Variants in NALF1 observed in about 807,000 individuals in gnomAD.
NALF1 encodes NALCN channel auxiliary factor 1, also known as family with sequence similarity 155 member A.
A neutral mutation model predicts 48.4 loss-of-function variants in NALF1; 3 were observed. That is an observed-to-expected ratio of 0.06 (90% CI 0.03 to 0.16). The LOEUF (loss-of-function observed/expected upper bound fraction) is 0.16, where lower values mean the gene tolerates loss of function less well. NALF1 is among the 10% of genes least tolerant of loss of function. NALF1 has a pLI of 1.00. For missense variants in NALF1, 526 were observed against 571.5 expected (o/e 0.92, Z 0.81); for synonymous variants, 262 against 245.7 (o/e 1.07, Z -0.62).
At chr13:107,201,524 T>C (rs924833712) in intron 2 of NALF1, among the ~76,000 whole-genome samples, 3 of 151,604 alleles carry the variant, frequency 2.0e-5, no homozygotes, top group African/African-American at 7.3e-5. Context: ...TTCCAGTGAG[T>C]CGAGATCGTG....
At chr13:107,613,341 C>T (rs1207965630) in intron 1 of NALF1, among the ~76,000 whole-genome samples, 8 of 152,166 alleles carry the variant, frequency 5.3e-5, no homozygotes, top group Non-Finnish European at 1.0e-4. Context: ...GGCAGGTAGG[C>T]GGCCTCCGCA....
chr13:107,800,589 A>G (rs1878577772), intron 1 of NALF1, among the ~76,000 whole-genome samples: 1 of 146,802 alleles, frequency 6.8e-6, no homozygotes, highest in Non-Finnish European at 1.5e-5. Context: ...AATATACAAT[A>G]TATAATAAAT....
intron 1 of NALF1, among the ~76,000 whole-genome samples, chr13:107,844,330 GA>G (rs1209878149): frequency 6.6e-6 from 1 of 152,012 alleles, no homozygotes; most frequent in Non-Finnish European, 1.5e-5. Context: ...AATTTAAACT[GA>G]AAAGCTGTCA....
chr13:107,447,420 C>T (rs1475506081), intron 1 of NALF1, among the ~76,000 whole-genome samples: 2 of 152,114 alleles, frequency 1.3e-5, no homozygotes, highest in Non-Finnish European at 2.9e-5. Context: ...CATTCTGAGT[C>T]CAGTCACCAT....
intron 1 of NALF1, among the ~76,000 whole-genome samples, chr13:107,424,223 C>T (rs1884240655): frequency 6.6e-6 from 1 of 152,098 alleles, no homozygotes; most frequent in African/African-American, 2.4e-5. Context: ...CTGCAATCTC[C>T]ACCTCCCAGG....
chr13:107,851,956 G>A (rs889845865), intron 1 of NALF1, among the ~76,000 whole-genome samples: 2 of 150,928 alleles, frequency 1.3e-5, no homozygotes, highest in African/African-American at 2.4e-5. Flanking sequence ...CTCAGTGCAT[G>A]CCACCATGCC....
chr13:107,482,728 T>C (rs772822894), intron 1 of NALF1, among the ~76,000 whole-genome samples: 2 of 152,034 alleles, frequency 1.3e-5, no homozygotes, highest in Non-Finnish European at 2.9e-5. Context: ...GGATGAGAAA[T>C]GGATAGAGGT....
intron 1 of NALF1, among the ~76,000 whole-genome samples, chr13:107,655,849 A>G (rs1221959577): frequency 6.6e-6 from 1 of 152,196 alleles, no homozygotes; most frequent in Non-Finnish European, 1.5e-5. Context: ...ACCCAGAAAT[A>G]AAGCCAAATA....
intron 1 of NALF1, among the ~76,000 whole-genome samples, chr13:107,593,030 G>A (rs1008513470): frequency 1.3e-5 from 2 of 151,716 alleles, no homozygotes; most frequent in Non-Finnish European, 2.9e-5. Flanking sequence ...CTTTAGCAAA[G>A]GTCATCTTTT....
At chr13:107,840,345 C>A (rs1880009987) in intron 1 of NALF1, among the ~76,000 whole-genome samples, 1 of 152,216 alleles carries the variant, frequency 6.6e-6, no homozygotes, top group Non-Finnish European at 1.5e-5. Context: ...CAGTTTATTT[C>A]TTGCATTTTA....
rs999879814 is a variant in NALF1, at chr13:107,163,991, C to T, written c.*6506G>A. 2 of 152,146 alleles carry T rather than the reference C, an allele frequency of 1.3e-5. No individual in the cohort carries two copies. The highest frequency in any genetic ancestry group is 2.4e-5 in the African/African-American group (1 of 41,436). 9.4% of individuals were successfully genotyped at this position (152,146 alleles called of 1,614,324 possible). A position where few individuals can be genotyped will look rare whatever the true frequency, so the allele number is the denominator to read the frequency against. On this transcript the variant is annotated 3_prime_UTR_variant, in exon 3 of 3. Transcript: ENST00000375915. ...ATTTCCTATTGTTTTATCCATTTTG[C>T]AGTGAAATGGTCAGTAGAAAATGGC...
At chr13:107,334,888 A>C (rs1407138703) in intron 1 of NALF1, among the ~76,000 whole-genome samples, 1 of 152,120 alleles carries the variant, frequency 6.6e-6, no homozygotes, top group Non-Finnish European at 1.5e-5. Context: ...GTGAAATGAA[A>C]AGCAATATTC....
At chr13:107,581,952 C>G (rs1362954906) in intron 1 of NALF1, among the ~76,000 whole-genome samples, 1 of 152,088 alleles carries the variant, frequency 6.6e-6, no homozygotes, top group African/African-American at 2.4e-5. Flanking sequence ...ACAAAAGATG[C>G]CTTTGGACAT....
At chr13:107,325,907 CATAT>C (rs1296360521) in intron 1 of NALF1, among the ~76,000 whole-genome samples, 4 of 128,548 alleles carry the variant, frequency 3.1e-5, no homozygotes, top group South Asian at 2.6e-4. Context: ...CACACACACA[CATAT>C]ATACATATAT....
At chr13:107,637,608 G>A (rs1008551156) in intron 1 of NALF1, among the ~76,000 whole-genome samples, 1 of 152,082 alleles carries the variant, frequency 6.6e-6, no homozygotes, top group African/African-American at 2.4e-5. Flanking sequence ...TACTGTACCT[G>A]ACTGCCACGT....
At chr13:107,839,369 T>C (rs1006123566) in intron 1 of NALF1, among the ~76,000 whole-genome samples, 1 of 147,980 alleles carries the variant, frequency 6.8e-6, no homozygotes, top group Non-Finnish European at 1.5e-5. Flanking sequence ...TCATCTAGTA[T>C]GCTTCTGCTT....
chr13:107,678,611 G>A (rs1274426637), intron 1 of NALF1, among the ~76,000 whole-genome samples: 2 of 152,178 alleles, frequency 1.3e-5, no homozygotes, highest in African/African-American at 4.8e-5. Context: ...CCCAGACTGG[G>A]TAATTCATAA....
intron 1 of NALF1, among the ~76,000 whole-genome samples, chr13:107,306,534 C>T (rs909870967): frequency 6.6e-6 from 1 of 152,124 alleles, no homozygotes; most frequent in Non-Finnish European, 1.5e-5. Context: ...AGGGAAGTGG[C>T]TCCGATCATG....
At chr13:107,677,294 A>C (rs1423568132) in intron 1 of NALF1, among the ~76,000 whole-genome samples, 1 of 152,198 alleles carries the variant, frequency 6.6e-6, no homozygotes, top group African/African-American at 2.4e-5. Context: ...GATCTGCCTC[A>C]GCCTCCCAAA....
Sources: allele counts gnomAD v4.1 joint callset (sites outside exome capture counted in the v4.1 genomes callset), GRCh38; gene constraint gnomAD v4.1.1; transcripts MANE v1.5; gene names NCBI Gene and HGNC (gene_info 2026-07-23, HGNC 2026-07-21).